The following CDKL4 variants were observed in gnomAD, a reference collection of about 807,000 sequenced individuals.
The protein encoded by CDKL4 is cyclin dependent kinase like 4.
In CDKL4, 44 loss-of-function variants were observed where a neutral mutation model predicts 42.0. That is an observed-to-expected ratio of 1.05 (90% CI 0.82 to 1.35). CDKL4 has a LOEUF of 1.35. Ranked by LOEUF, CDKL4 falls within the 40% of genes most tolerant of loss-of-function variation. The pLI is 0.00. For missense variants in CDKL4, 393 were observed against 369.9 expected (o/e 1.06, Z -0.51); for synonymous variants, 120 against 121.6 (o/e 0.99, Z 0.09).
At chr2:39,221,057 A>T in intron 3 of CDKL4, among the ~76,000 whole-genome samples, 1 of 123,914 alleles carries the variant, frequency 8.1e-6, no homozygotes, top group African/African-American at 3.1e-5. Context: ...CTTGTCGCCC[A>T]GGCTGGAGTG....
chr2:39,209,152 T>TAAAAAA, intron 4 of CDKL4, among the ~76,000 whole-genome samples: 1 of 148,262 alleles, frequency 6.7e-6, no homozygotes, highest in African/African-American at 2.5e-5. Flanking sequence ...AAAAAAAAAT[T>TAAAAAA]TTTTTTTTAA....
chr2:39,203,303 G>GA, intron 5 of CDKL4, among the ~76,000 whole-genome samples: 1 of 152,312 alleles, frequency 6.6e-6, no homozygotes, highest in East Asian at 1.9e-4. Context: ...AGCCCATGGA[G>GA]AAAAATCCCC....
At chr2:39,202,400 T>C (rs1284752974) in intron 5 of CDKL4, among the ~76,000 whole-genome samples, 9 of 152,248 alleles carry the variant, frequency 5.9e-5, no homozygotes, top group Admixed American at 4.6e-4. Context: ...GTTTTTGTTA[T>C]TGAGTCATAG....
At chr2:39,209,949 T>C (rs1032652032) in intron 4 of CDKL4, among the ~76,000 whole-genome samples, 2 of 152,084 alleles carry the variant, frequency 1.3e-5, no homozygotes, top group Admixed American at 1.3e-4. Context: ...CATAAGAAAA[T>C]GAGAAGTAAT....
intron 1 of CDKL4, among the ~76,000 whole-genome samples, chr2:39,232,094 G>A (rs912013402): frequency 6.6e-6 from 1 of 152,110 alleles, no homozygotes; most frequent in East Asian, 1.9e-4. Context: ...TTGATCTATT[G>A]ATGTATGTTT....
intron 1 of CDKL4, among the ~76,000 whole-genome samples, chr2:39,242,362 G>A (rs1679704556): frequency 6.6e-6 from 1 of 152,118 alleles, no homozygotes; most frequent in Non-Finnish European, 1.5e-5. Context: ...ATTTTTCATA[G>A]TCATCTTTGA....
intron 4 of CDKL4, among the ~76,000 whole-genome samples, chr2:39,211,462 T>C (rs1197791344): frequency 6.6e-6 from 1 of 152,128 alleles, no homozygotes; most frequent in Non-Finnish European, 1.5e-5. Context: ...TGGGAAAATC[T>C]GAGCATGGGA....
At chr2:39,187,355 C>G (rs1675883868) in intron 7 of CDKL4, among the ~76,000 whole-genome samples, 1 of 151,992 alleles carries the variant, frequency 6.6e-6, no homozygotes. Flanking sequence ...TAATATGTCA[C>G]AAGGAAAACA....
intron 5 of CDKL4, among the ~76,000 whole-genome samples, chr2:39,198,605 A>T (rs1447743783): frequency 2.6e-5 from 4 of 152,018 alleles, no homozygotes; most frequent in Non-Finnish European, 5.9e-5. Flanking sequence ...AAATAAAAAA[A>T]TTTAAGAAAA....
At position 39,220,838 on chromosome 2, in the gene CDKL4, C is replaced by T. The variant is rs560126286; in HGVS notation, c.290+5001G>A. Reference sequence around the variant, plus strand: ...CTGACCTCAAGTGATCTGCCCTCCTCGGCCTCCCAAAGTGCTGGGATTACA... The same window carrying T: ...CTGACCTCAAGTGATCTGCCCTCCTTGGCCTCCCAAAGTGCTGGGATTACA... On this transcript the variant is annotated intron_variant, in intron 3 of 9. Coordinates refer to ENST00000451199, the Ensembl canonical transcript of CDKL4. Among the ~76,000 whole-genome samples, 22 of 151,936 alleles carry T rather than the reference C, an allele frequency of 1.4e-4. No homozygotes were observed. In the South Asian group the frequency reaches 2.7e-3, roughly 19 times the overall value.
intron 1 of CDKL4, among the ~76,000 whole-genome samples, chr2:39,234,332 G>A (rs1237657177): frequency 6.6e-6 from 1 of 152,138 alleles, no homozygotes; most frequent in Non-Finnish European, 1.5e-5. Flanking sequence ...TCTCAGAAAT[G>A]ACTAAATTAT....
At chr2:39,179,609 C>T (rs1035124321) in intron 8 of CDKL4, among the ~76,000 whole-genome samples, 6 of 152,210 alleles carry the variant, frequency 3.9e-5, no homozygotes, top group Admixed American at 3.9e-4. Context: ...GAAAGCAAAT[C>T]GTTTATAGCA....
At chr2:39,230,814 A>G (rs1211845134) in intron 1 of CDKL4, among the ~76,000 whole-genome samples, 7 of 152,232 alleles carry the variant, frequency 4.6e-5, no homozygotes, top group Admixed American at 4.6e-4. Flanking sequence ...AGATGAGAAA[A>G]GACACAGTGA....
chr2:39,173,625 C>G (rs981297638), downstream of CDKL4, among the ~76,000 whole-genome samples: 2 of 151,986 alleles, frequency 1.3e-5, no homozygotes, highest in Admixed American at 6.6e-5. Flanking sequence ...CTGGCTAACA[C>G]GGTGAAACCC....
chr2:39,237,736 A>AT (rs533622664), intron 1 of CDKL4, among the ~76,000 whole-genome samples: 1 of 152,102 alleles, frequency 6.6e-6, no homozygotes, highest in East Asian at 1.9e-4. Flanking sequence ...ATATATGAAT[A>AT]TTTTTTTAAA....
rs578174686 is a variant in CDKL4 at position 39,196,524 on chromosome 2, C to G, written c.455-6022G>C. Among the ~76,000 whole-genome samples the G allele has an allele frequency of 3.3e-5, 5 of 152,294 alleles. No individual in the cohort carries two copies. In the East Asian group the frequency reaches 7.7e-4, roughly 24 times the overall value. ...GGGACAAAAGAATCTGAACAGCAGC[C>G]CTCAAGTCCCAGATCTTCCCTCTGA... On this transcript the variant is annotated intron_variant, in intron 5 of 9. Transcript: ENST00000451199.
intron 3 of CDKL4, among the ~76,000 whole-genome samples, chr2:39,214,841 G>A (rs1677818213): frequency 6.6e-6 from 1 of 152,140 alleles, no homozygotes; most frequent in Non-Finnish European, 1.5e-5. Context: ...CTTGTCCCTG[G>A]CAGACTCATC....
At chr2:39,216,993 A>G (rs191046896) in intron 3 of CDKL4, among the ~76,000 whole-genome samples, 2 of 152,274 alleles carry the variant, frequency 1.3e-5, no homozygotes, top group Admixed American at 6.5e-5. Flanking sequence ...CTGATCGTGC[A>G]AAGAGAAGAT....
At chr2:39,171,297 G>A (rs564434386), downstream of CDKL4, among the ~76,000 whole-genome samples, 5 of 150,900 alleles carry the variant, frequency 3.3e-5, no homozygotes, top group Non-Finnish European at 7.4e-5. Flanking sequence ...ATCTGCAAGT[G>A]CAATGAAGAA....
Sources: allele counts gnomAD v4.1 joint callset (sites outside exome capture counted in the v4.1 genomes callset), GRCh38; gene constraint gnomAD v4.1.1; transcripts MANE v1.5; gene names NCBI Gene and HGNC (gene_info 2026-07-23, HGNC 2026-07-21).